Variants in SRPK2 observed in about 807,000 individuals in gnomAD.
SRPK2 encodes the protein SFRS protein kinase 2.
SRPK2 carries 21 observed loss-of-function variants against 90.8 expected under a neutral mutation model. The ratio of observed to expected loss-of-function variants is 0.23; its 90% confidence interval spans 0.16 to 0.33. The LOEUF (loss-of-function observed/expected upper bound fraction) is 0.33. Among genes scored for constraint, SRPK2 ranks in the 10% least tolerant of loss-of-function variants. SRPK2 has a pLI of 1.00. For missense variants in SRPK2, 620 were observed against 869.0 expected (o/e 0.71, Z 3.60); for synonymous variants, 288 against 311.1 (o/e 0.93, Z 0.78).
chr7:105,127,414 C>G (rs568928609), intron 13 of SRPK2, among the ~76,000 whole-genome samples: 16 of 152,252 alleles, frequency 1.1e-4, no homozygotes, highest in African/African-American at 3.6e-4. Flanking sequence ...CAAGGCCCGT[C>G]TGACTCCAGC....
intron 2 of SRPK2, among the ~76,000 whole-genome samples, chr7:105,290,005 G>A (rs1001695100): frequency 1.3e-5 from 2 of 151,980 alleles, no homozygotes; most frequent in Non-Finnish European, 2.9e-5. Flanking sequence ...GGTCAGTGGA[G>A]CAGTCAGAAC....
chr7:105,305,255 C>T (rs1179303294), intron 2 of SRPK2, among the ~76,000 whole-genome samples: 1 of 152,094 alleles, frequency 6.6e-6, no homozygotes, highest in African/African-American at 2.4e-5. Flanking sequence ...GCCTGACCCA[C>T]ATAGTGAAAC....
At chr7:105,253,034 C>T (rs1412156680) in intron 2 of SRPK2, among the ~76,000 whole-genome samples, 3 of 152,094 alleles carry the variant, frequency 2.0e-5, no homozygotes, top group East Asian at 1.9e-4. Flanking sequence ...TGAGCCACCG[C>T]GCCCGACCCA....
chr7:105,285,360 G>A (rs1274504418), intron 2 of SRPK2, among the ~76,000 whole-genome samples: 2 of 136,478 alleles, frequency 1.5e-5, no homozygotes, highest in Non-Finnish European at 3.0e-5. Context: ...ACTCTAAACT[G>A]GGCAACAGAG....
At chr7:105,223,997 C>A (rs954059558) in intron 2 of SRPK2, among the ~76,000 whole-genome samples, 1 of 152,120 alleles carries the variant, frequency 6.6e-6, no homozygotes, top group Non-Finnish European at 1.5e-5. Context: ...TATTCCCCAC[C>A]TGGAATTTTT....
intron 3 of SRPK2, among the ~76,000 whole-genome samples, chr7:105,186,104 T>A (rs1793543557): frequency 6.6e-6 from 1 of 152,240 alleles, no homozygotes; most frequent in African/African-American, 2.4e-5. Context: ...TTGATTTATA[T>A]AAGGTATTTT....
chr7:105,320,890 G>A (rs1812862306), intron 2 of SRPK2, among the ~76,000 whole-genome samples: 1 of 152,140 alleles, frequency 6.6e-6, no homozygotes, highest in South Asian at 2.1e-4. Context: ...TGGAATGGCG[G>A]TGTGATCATA....
chr7:105,152,467 A>G (rs1805840681), intron 7 of SRPK2, among the ~76,000 whole-genome samples: 1 of 152,138 alleles, frequency 6.6e-6, no homozygotes. Flanking sequence ...CTATTTTTAA[A>G]TGGTTTTATT....
intron 2 of SRPK2, among the ~76,000 whole-genome samples, chr7:105,386,519 G>C (rs1821626649): frequency 6.6e-6 from 1 of 151,878 alleles, no homozygotes; most frequent in Non-Finnish European, 1.5e-5. Context: ...TTGTAGACCA[G>C]CCCGGCCAAC....
chr7:105,222,782 GTGTT>G (rs1282805016), intron 2 of SRPK2, among the ~76,000 whole-genome samples: 1 of 152,010 alleles, frequency 6.6e-6, no homozygotes, highest in African/African-American at 2.4e-5. Context: ...ATAAAGTTCT[GTGTT>G]TGTTTCATCA....
intron 2 of SRPK2, chr7:105,306,588 C>A: frequency 2.4e-6 from 1 of 421,362 alleles, no homozygotes; most frequent in Non-Finnish European, 4.6e-6. Context: ...AAAGAAAAAA[C>A]AGTCATGAAG....
At chr7:105,251,428 T>C (rs1182452921) in intron 2 of SRPK2, among the ~76,000 whole-genome samples, 2 of 152,146 alleles carry the variant, frequency 1.3e-5, no homozygotes, top group African/African-American at 2.4e-5. Flanking sequence ...GGTCTTGAAC[T>C]CCTGGGGTCA....
chr7:105,212,327 G>GTTT (rs1436181205), intron 2 of SRPK2, among the ~76,000 whole-genome samples: 4 of 152,174 alleles, frequency 2.6e-5, no homozygotes, highest in Non-Finnish European at 4.4e-5. Context: ...TAGTGAGGAG[G>GTTT]GGAAAGTGCA....
chr7:105,352,416 C>A (rs1200865026), intron 2 of SRPK2, among the ~76,000 whole-genome samples: 1 of 152,228 alleles, frequency 6.6e-6, no homozygotes, highest in South Asian at 2.1e-4. Context: ...GAGCAACAGG[C>A]AAGGCCTCCT....
intron 2 of SRPK2, among the ~76,000 whole-genome samples, chr7:105,356,281 G>A (rs796207716): frequency 1.4e-4 from 22 of 152,242 alleles, no homozygotes; most frequent in African/African-American, 5.3e-4. Context: ...AAAAGTGGAA[G>A]GCACTAAGTA....
intron 2 of SRPK2, among the ~76,000 whole-genome samples, chr7:105,330,787 C>T (rs1364371407): frequency 1.3e-5 from 2 of 151,758 alleles, no homozygotes; most frequent in Middle Eastern, 3.2e-3. Context: ...TGAAACCAGC[C>T]TAGGCAATAC....
chr7:105,313,463 A>T (rs1183793005), intron 2 of SRPK2, among the ~76,000 whole-genome samples: 27 of 140,016 alleles, frequency 1.9e-4, no homozygotes, highest in Non-Finnish European at 3.8e-4. Context: ...AAAAAAAAAA[A>T]AATTGGCCAG....
At chr7:105,360,575 A>G (rs551335238) in intron 2 of SRPK2, among the ~76,000 whole-genome samples, 55 of 152,186 alleles carry the variant, frequency 3.6e-4, no homozygotes, top group African/African-American at 1.3e-3. Flanking sequence ...GTGGTGACAA[A>G]ATCTCTCAAC....
intron 2 of SRPK2, among the ~76,000 whole-genome samples, chr7:105,217,233 T>C (rs188003077): frequency 2.6e-5 from 4 of 152,180 alleles, no homozygotes; most frequent in African/African-American, 9.7e-5. Flanking sequence ...AGTTAAGAGA[T>C]TTCTTGAGAA....
Sources: gnomAD v4.1 joint callset for allele counts (sites outside exome capture counted in the v4.1 genomes callset) on GRCh38, gnomAD v4.1.1 for gene constraint, MANE v1.5 for transcripts, NCBI Gene and HGNC (gene_info 2026-07-23, HGNC 2026-07-21) for gene names.